The following FMNL1 variants were observed in gnomAD, a reference collection of about 807,000 sequenced individuals.
FMNL1 encodes the protein formin-like protein 1.
FMNL1 carries 43 observed loss-of-function variants against 121.3 expected under a neutral mutation model. The observed-to-expected ratio is 0.35, with a 90% CI of 0.28 to 0.46. The LOEUF (loss-of-function observed/expected upper bound fraction) is 0.46, where lower values mean the gene tolerates loss of function less well. Among genes scored for constraint, FMNL1 ranks in the 20% least tolerant of loss-of-function variants. FMNL1 has a pLI of 1.00. For synonymous variants in FMNL1, 613 were observed against 613.5 expected (o/e 1.00, Z 0.01); for missense variants, 1,191 against 1,482.4 (o/e 0.80, Z 3.23).
At chr17:45,234,239 A>G (rs1322458004) in intron 6 of FMNL1, 39 bp downstream of exon 6, 8 of 1,613,488 alleles carry the variant, frequency 5.0e-6, no homozygotes, top group Non-Finnish European at 6.8e-6. Flanking sequence ...GAGAACAGAG[A>G]ATTCAGCCCC....
At chr17:45,239,688 GTAT>G (rs2043637850) in intron 11 of FMNL1, among the ~76,000 whole-genome samples, 1 of 152,132 alleles carries the variant, frequency 6.6e-6, no homozygotes, top group Non-Finnish European at 1.5e-5. Context: ...GTGCAATGGA[GTAT>G]TATTCAGCCA....
Position 45,237,257 on chromosome 17 carries a change from C to G in FMNL1, c.724-24C>G, listed in dbSNP as rs2043570994. On this transcript the variant is annotated intron_variant, in intron 7 of 26. Transcript: ENST00000331495. The surrounding 1 kb of genome is among the most constrained non-coding windows in gnomAD (Gnocchi z 4.4). ...AGTCCTGGGGGGCCCTTCCTGGAGA[C>G]ACTGACCTCTCCTCTCTCCCCAGTC... 9 of 1,612,538 alleles carry G rather than the reference C, an allele frequency of 5.6e-6. No homozygotes were observed. Among genetic ancestry groups the G allele is most frequent in the Non-Finnish European group, 6.8e-6 (8 of 1,178,640 alleles).
intron 1 of FMNL1, among the ~76,000 whole-genome samples, chr17:45,228,852 G>A (rs998365957): frequency 2.6e-5 from 4 of 152,140 alleles, no homozygotes; most frequent in African/African-American, 7.2e-5. Flanking sequence ...TGCCGGCCAC[G>A]GCTCCAGTTT....
chr17:45,223,560 C>G (rs62066718), intron 1 of FMNL1, among the ~76,000 whole-genome samples: 2,168 of 152,288 alleles, frequency 0.014, 32 homozygotes, highest in Non-Finnish European at 0.022. Flanking sequence ...CGCCTCACAC[C>G]AGGCTGGCCC....
rs1005428446 is a variant in FMNL1, at chr17:45,240,477, G to T, written c.1082G>T (p.Arg361Met). 1.9e-6 allele frequency: 3 copies of T among 1,610,392 alleles called. No homozygotes were observed. Among genetic ancestry groups the T allele is most frequent in the Non-Finnish European group, 2.5e-6 (3 of 1,177,930 alleles). ...THLGLDLYLE[R>M]LRLTESDKLQ... ...CCACTCCTTCCATCTGGGGGACAGA[G>T]GCTTCGGCTCACCGAGAGTGACAAG... is the stretch of plus-strand genomic sequence containing the variant. The change falls in exon 12 of 27, where the codon AGG (arginine) becomes ATG (methionine). Residue 361 changes from arginine to methionine, a missense_variant and splice_region_variant. This residue lies in a region of FMNL1 where 519 missense variants were observed against 492.8 expected (regional missense o/e 1.05). Coordinates refer to ENST00000331495, the MANE Select transcript of FMNL1 (RefSeq NM_005892.4).
Position 45,241,812 on chromosome 17 carries a change from C to G in FMNL1, c.1586-35C>G. 1.4e-6 allele frequency: 2 copies of G among 1,403,144 alleles called. No homozygotes were observed. The highest frequency in any genetic ancestry group is 1.5e-5 in the African/African-American group (1 of 66,814). The allele number at this position is 1,403,144 out of a possible 1,614,324, so 86.9% of individuals were successfully genotyped here. ...GCCCACCCAAGTCAAGGAGCTGACTCGCGCCTCCCCCACGCCGCGCCCTCG... is the reference window on the plus strand; with the variant it reads ...GCCCACCCAAGTCAAGGAGCTGACTGGCGCCTCCCCCACGCCGCGCCCTCG... On this transcript the variant is annotated intron_variant, in intron 14 of 26. Transcript: ENST00000331495. This position sits in a 1 kb window ranked among gnomAD's most constrained non-coding sequence, Gnocchi z 7.0.
chr17:45,232,961 T>G, intron 3 of FMNL1: 12 of 583,688 alleles, frequency 2.1e-5, no homozygotes, highest in East Asian at 3.8e-5. Context: ...CTCTGCCTCT[T>G]TGTGTGTGTG....
At chr17:45,230,065 C>T (rs2043407225) in intron 1 of FMNL1, among the ~76,000 whole-genome samples, 1 of 152,202 alleles carries the variant, frequency 6.6e-6, no homozygotes, top group South Asian at 2.1e-4. Context: ...TGTCCACTCT[C>T]CTTGCAAGAG....
Position 45,233,388 on chromosome 17 carries a change from C to T in FMNL1, c.401+91C>T, listed in dbSNP as rs2043481439. The T allele has an allele frequency of 7.4e-7, 1 of 1,360,062 alleles. No individual in the cohort carries two copies. Among genetic ancestry groups the T allele is most frequent in the Non-Finnish European group, 1.0e-6 (1 of 992,460 alleles). 84.2% of individuals were successfully genotyped at this position (1,360,062 alleles called of 1,614,324 possible). A position where few individuals can be genotyped will look rare whatever the true frequency, so the allele number is the denominator to read the frequency against. ...GCTTCCCCTTCCTACTCCCCCTGCC[C>T]CCTGCACAAGGCTGTGCTTGTGGAC... On this transcript the variant is annotated intron_variant, in intron 4 of 26. Transcript: ENST00000331495. The surrounding 1 kb of genome is among the most constrained non-coding windows in gnomAD (Gnocchi z 4.1).
In FMNL1 at chr17:45,237,466, T is replaced by C; in HGVS notation, c.801-80T>C. On this transcript the variant is annotated intron_variant, in intron 8 of 26. Transcript: ENST00000331495. The surrounding 1 kb of genome is among the most constrained non-coding windows in gnomAD (Gnocchi z 4.4). ...GAGGCTCATTCTGCACCCACTATGC[T>C]CCTCCTAGCCAGGCCTGTGCCCACC... 1 of 1,607,586 alleles carries C rather than the reference T, an allele frequency of 6.2e-7. No homozygotes were observed. The highest frequency in any genetic ancestry group is 8.5e-7 in the Non-Finnish European group (1 of 1,174,352).
chr17:45,223,967 G>T (rs896567868), intron 1 of FMNL1, among the ~76,000 whole-genome samples: 2 of 152,174 alleles, frequency 1.3e-5, no homozygotes, highest in African/African-American at 4.8e-5. Flanking sequence ...GATTGGCTGA[G>T]TCTGACACTA....
chr17:45,231,856 G>A lies in FMNL1; in HGVS notation c.214-511G>A, dbSNP rs889292580. On this transcript the variant is annotated intron_variant, in intron 2 of 26. Transcript: ENST00000331495. The surrounding 1 kb of genome is among the most constrained non-coding windows in gnomAD (Gnocchi z 4.7). The stretch of plus-strand genomic sequence containing the variant: ...CCGTATGCCAGCTCTGGTCCAGGGA[G>A]GGCACCACCTGCTGGCTAGACTGAG... Among the ~76,000 whole-genome samples, 10 of 152,150 alleles carry A rather than the reference G, an allele frequency of 6.6e-5. No individual in the cohort carries two copies. The highest frequency in any genetic ancestry group is 2.2e-4 in the African/African-American group (9 of 41,438).
In FMNL1 at chr17:45,243,120, G is replaced by A. The variant is rs1350647611; in HGVS notation, c.2013G>A (p.Glu671=). ...TELNDEKVLQ[E]LDMSDFEEQF... ...GCCTCCTCACCCTGTACCTTCAGGA[G>A]CTAGACATGAGTGATTTTGAGGAAC... The change falls in exon 17 of 27, where the codon GAG becomes GAA. Residue 671 remains glutamate (E), a splice_region_variant and synonymous_variant. Transcript: ENST00000331495. The A allele has an allele frequency of 3.7e-6, 6 of 1,614,168 alleles. No homozygotes were observed. Among genetic ancestry groups the A allele is most frequent in the Non-Finnish European group, 4.2e-6 (5 of 1,180,042 alleles).
intron 23 of FMNL1, 53 bp from the exon 24 acceptor site, chr17:45,245,825 G>A: frequency 6.2e-7 from 1 of 1,601,610 alleles, no homozygotes; most frequent in Non-Finnish European, 8.5e-7. Context: ...TGTTTAGGGG[G>A]TGGGTAGGGC....
At chr17:45,228,994 T>C (rs1274060014) in intron 1 of FMNL1, among the ~76,000 whole-genome samples, 17 of 152,136 alleles carry the variant, frequency 1.1e-4, no homozygotes, top group African/African-American at 3.6e-4. Flanking sequence ...GACAGACAGA[T>C]GGACAGGGAC....
chr17:45,238,017 C>A lies in FMNL1; in HGVS notation c.894+378C>A, dbSNP rs928151346. The stretch of plus-strand genomic sequence containing the variant: ...GCATAAGATGCATAAGACAAGATAT[C>A]TTCATTCATTCATTCCTTTAATGAA... On this transcript the variant is annotated intron_variant, in intron 9 of 26. Coordinates refer to ENST00000331495, the MANE Select transcript of FMNL1 (RefSeq NM_005892.4). The A allele has an allele frequency of 7.7e-5, 17 of 221,346 alleles. No homozygotes were observed. In the Admixed American group the frequency reaches 8.3e-4, roughly 11 times the overall value. The allele number at this position is 221,346 out of a possible 1,614,324, so 13.7% of individuals were successfully genotyped here. A position where few individuals can be genotyped will look rare whatever the true frequency, so the allele number is the denominator to read the frequency against.
chr17:45,232,586 C>T, intron 3 of FMNL1, 106 bp downstream of exon 3: 1 of 984,698 alleles, frequency 1.0e-6, no homozygotes. Flanking sequence ...TGTGTGGGTG[C>T]ATGTATGAGT....
In FMNL1 at chr17:45,233,884, A is replaced by C; in HGVS notation, c.485+153A>C. On this transcript the variant is annotated intron_variant, in intron 5 of 26. Coordinates refer to ENST00000331495, the MANE Select transcript of FMNL1 (RefSeq NM_005892.4). This position sits in a 1 kb window ranked among gnomAD's most constrained non-coding sequence, Gnocchi z 4.1. ...GGCCTTGAGCGATGCTCCTTCCAGA[A>C]GGCCTGCCCCCGACAGGGAGGGGTG... is the stretch of plus-strand genomic sequence containing the variant. 1 of 1,328,400 alleles carries C rather than the reference A, an allele frequency of 7.5e-7. No homozygotes were observed. The highest frequency in any genetic ancestry group is 1.5e-5 in the African/African-American group (1 of 68,094). 82.3% of individuals were successfully genotyped at this position (1,328,400 alleles called of 1,614,324 possible).
At chr17:45,244,647 G>A (rs748991334) in intron 19 of FMNL1, among the ~76,000 whole-genome samples, 172 bp from the exon 20 acceptor site, 3 of 152,252 alleles carry the variant, frequency 2.0e-5, no homozygotes, top group Non-Finnish European at 4.4e-5. Flanking sequence ...TGTGAGACCT[G>A]TGTGTACACA....
Sources: gnomAD v4.1 joint callset for allele counts (sites outside exome capture counted in the v4.1 genomes callset) on GRCh38, gnomAD v4.1.1 for gene constraint, gnomAD v4.1.1 regional missense constraint, Gnocchi (gnomAD v3.1) non-coding constraint, MANE v1.5 for transcripts, NCBI Gene and HGNC (gene_info 2026-07-23, HGNC 2026-07-21) for gene names.